XPO1: variants seen among roughly 807,000 people sequenced by gnomAD.
XPO1 encodes exportin 1, also known as exportin-1.
XPO1 carries 5 observed loss-of-function variants against 133.3 expected under a neutral mutation model. That is an observed-to-expected ratio of 0.04 (90% CI 0.02 to 0.08). XPO1 has a LOEUF of 0.08. Ranked by LOEUF, XPO1 falls within the 10% of genes least tolerant of loss-of-function variation. XPO1 has a pLI of 1.00. For synonymous variants in XPO1, 419 were observed against 408.2 expected, an observed-to-expected ratio of 1.03 and a Z score of -0.32; for missense variants, 506 against 1,267.5, an observed-to-expected ratio of 0.40 and a Z score of 9.12.
chr2:61,527,121 T>A (rs1276390655), intron 2 of XPO1, among the ~76,000 whole-genome samples: 2 of 152,228 alleles, frequency 1.3e-5, no homozygotes, highest in South Asian at 2.1e-4. Flanking sequence ...CAACCAAAGA[T>A]CTATTCTGAA....
intron 6 of XPO1, 88 bp downstream of exon 6, chr2:61,501,908 A>G: frequency 1.8e-6 from 2 of 1,106,572 alleles, no homozygotes; most frequent in South Asian, 1.6e-5. Context: ...GCAAAATATT[A>G]GTATACTTTA....
chr2:61,536,530 A>C lies in XPO1; in HGVS notation c.-7+1032T>G, dbSNP rs1699360621. Reference sequence around the variant, plus strand: ...CAGAAAATCATAACCGTTGCTTAATAACTTCACACTAGGTGAAAAACAAGT... The same window carrying C: ...CAGAAAATCATAACCGTTGCTTAATCACTTCACACTAGGTGAAAAACAAGT... On this transcript the variant is annotated intron_variant, in intron 1 of 24. Transcript: ENST00000401558. The C allele has an allele frequency of 2.0e-5, 3 of 152,316 alleles. No homozygotes were observed. The South Asian group carries it at 6.2e-4, about 32-fold the overall frequency. The allele number at this position is 152,316 out of a possible 1,614,324, so 9.4% of individuals were successfully genotyped here.
chr2:61,520,901 G>C (rs1698658972), intron 4 of XPO1, among the ~76,000 whole-genome samples: 2 of 151,952 alleles, frequency 1.3e-5, no homozygotes, highest in African/African-American at 2.4e-5. Flanking sequence ...ATTAAATCTG[G>C]GGCTCATAAC....
intron 2 of XPO1, 126 bp downstream of exon 2, chr2:61,533,646 C>T (rs970778633): frequency 1.7e-6 from 2 of 1,165,656 alleles, no homozygotes; most frequent in Admixed American, 3.7e-5. Context: ...ATGGTTAATA[C>T]AGAATTCCAA....
chr2:61,502,965 C>CTTTTT (rs201077547), intron 4 of XPO1, among the ~76,000 whole-genome samples: 7 of 138,338 alleles, frequency 5.1e-5, no homozygotes, highest in South Asian at 2.3e-4. Flanking sequence ...TGTTTCTTTT[C>CTTTTT]TTTTTTTTTT....
At chr2:61,488,101 A>G in intron 19 of XPO1, 64 bp downstream of exon 19, 3 of 1,395,914 alleles carry the variant, frequency 2.1e-6, no homozygotes, top group Non-Finnish European at 3.0e-6. Flanking sequence ...ATAATAGAGT[A>G]TAGCATATTC....
intron 2 of XPO1, among the ~76,000 whole-genome samples, chr2:61,531,833 T>C (rs1320813365): frequency 6.6e-6 from 1 of 152,210 alleles, no homozygotes; most frequent in Non-Finnish European, 1.5e-5. Context: ...ATGGTTAATT[T>C]TTTCAAGAAT....
intron 16 of XPO1, among the ~76,000 whole-genome samples, 185 bp from the exon 17 acceptor site, chr2:61,490,961 C>G (rs1696951793): frequency 6.6e-6 from 1 of 152,140 alleles, no homozygotes; most frequent in Non-Finnish European, 1.5e-5. Flanking sequence ...TGCAGACCAG[C>G]CTGACCAACG....
At position 61,533,885 on chromosome 2, in the gene XPO1, T is replaced by C. The variant is rs1273244641; in HGVS notation, c.13A>G (p.Met5Val). The C allele has an allele frequency of 7.6e-6, 12 of 1,575,604 alleles. No homozygotes were observed. The highest frequency in any genetic ancestry group is 1.4e-5 in the African/African-American group (1 of 73,292). The change falls in exon 2 of 25, where the codon ATG (methionine) becomes GTG (valine). Residue 5 changes from methionine to valine, a missense_variant. By Grantham distance (21) the Met-to-Val change is conservative (BLOSUM62 1). Transcript: ENST00000401558. The stretch of plus-strand genomic sequence containing the variant: ...GCTGCATGGTCTGCTAACATTGTCA[T>C]AATTGCTGGCATAGATTACTGAAAA... MPAI[M>V]TMLADHAARQ... is the part of the protein sequence containing the mutation.
rs898994714 is a variant in XPO1, at chr2:61,538,111, C to G, written c.-556G>C. The G allele has an allele frequency of 5.1e-6, 1 of 195,014 alleles. No homozygotes were observed. The highest frequency in any genetic ancestry group is 1.0e-5 in the Non-Finnish European group (1 of 97,272). 12.1% of individuals were successfully genotyped at this position (195,014 alleles called of 1,614,324 possible). On this transcript the variant is annotated 5_prime_UTR_variant, in exon 1 of 25. Coordinates refer to ENST00000401558, the MANE Select transcript of XPO1 (RefSeq NM_003400.4). ...GTTCCTCAGCGACTGGTGGTTCCCC[C>G]CTCCCCCTCTGGGTGGTTGCACGGA...
At chr2:61,501,376 G>A (rs1159664558) in intron 6 of XPO1, among the ~76,000 whole-genome samples, 3 of 152,190 alleles carry the variant, frequency 2.0e-5, no homozygotes, top group East Asian at 1.9e-4. Flanking sequence ...GGAAATCAAA[G>A]GACTCAGAGA....
intron 4 of XPO1, 131 bp from the exon 5 acceptor site, chr2:61,502,441 C>T (rs1207346955): frequency 1.1e-6 from 1 of 873,454 alleles, no homozygotes; most frequent in African/African-American, 1.7e-5. Flanking sequence ...AATCCTGTCA[C>T]CAGTATTGGC....
At chr2:61,512,296 C>G (rs1029371002) in intron 4 of XPO1, among the ~76,000 whole-genome samples, 3 of 152,152 alleles carry the variant, frequency 2.0e-5, no homozygotes, top group Admixed American at 6.6e-5. Context: ...GTAACACTAT[C>G]AACTTATTAG....
intron 3 of XPO1, among the ~76,000 whole-genome samples, chr2:61,523,638 T>C (rs1698790728): frequency 6.6e-6 from 1 of 152,154 alleles, no homozygotes; most frequent in African/African-American, 2.4e-5. Context: ...ACATATAACC[T>C]CAGATTGCAA....
At chr2:61,514,222 AC>A (rs1698242104) in intron 4 of XPO1, among the ~76,000 whole-genome samples, 2 of 151,946 alleles carry the variant, frequency 1.3e-5, no homozygotes, top group South Asian at 2.1e-4. Flanking sequence ...TTTTGAACAG[AC>A]ATTTCACCAA....
intron 3 of XPO1, among the ~76,000 whole-genome samples, chr2:61,524,155 A>G (rs1698813543): frequency 6.6e-6 from 1 of 152,136 alleles, no homozygotes; most frequent in African/African-American, 2.4e-5. Flanking sequence ...ACAAAATCAG[A>G]TTGTCAAGAC....
chr2:61,505,868 T>C (rs564106052), intron 4 of XPO1, among the ~76,000 whole-genome samples: 99 of 152,290 alleles, frequency 6.5e-4, no homozygotes, highest in African/African-American at 5.1e-4. Context: ...CTGACTCTTA[T>C]ACTGTATATA....
rs757551938 is a variant in XPO1 at position 61,499,705 on chromosome 2, T to C, written c.590+8A>G. On this transcript the variant is annotated splice_region_variant and intron_variant, in intron 7 of 24. Transcript: ENST00000401558. ...ACTTTAAAATTCTAAAACATAATTA[T>C]TACTTGCCTGTCTTTTAAATGCTTA... 6.4e-7 allele frequency: 1 copy of C among 1,565,640 alleles called. No individual in the cohort carries two copies. Among genetic ancestry groups the C allele is most frequent in the Non-Finnish European group, 8.6e-7 (1 of 1,162,820 alleles).
In XPO1 at chr2:61,492,526, A is replaced by G; in HGVS notation, c.1566+41T>C. 1 of 1,594,440 alleles carries G rather than the reference A, an allele frequency of 6.3e-7. No homozygotes were observed. The highest frequency in any genetic ancestry group is 8.5e-7 in the Non-Finnish European group (1 of 1,172,986). On this transcript the variant is annotated intron_variant, in intron 14 of 24. Transcript: ENST00000401558. The surrounding 1 kb of genome is among the most constrained non-coding windows in gnomAD (Gnocchi z 5.6). Reference sequence around the variant, plus strand: ...GTATTATTTATTGTAACAACATAATACTTATTTAGCAATTCTAATTCATAC... The same window carrying G: ...GTATTATTTATTGTAACAACATAATGCTTATTTAGCAATTCTAATTCATAC...
Sources: gnomAD v4.1 joint callset for allele counts (sites outside exome capture counted in the v4.1 genomes callset) on GRCh38, gnomAD v4.1.1 for gene constraint, Gnocchi (gnomAD v3.1) non-coding constraint, MANE v1.5 for transcripts, NCBI Gene and HGNC (gene_info 2026-07-23, HGNC 2026-07-21) for gene names.